The following SLC38A12 variants were observed in gnomAD, a reference collection of about 807,000 sequenced individuals.
SLC38A12 encodes the protein putative sodium-coupled neutral amino acid transporter 12.
chr17:74,813,372 C>A, the SLC38A12 span, among the ~76,000 whole-genome samples: 1 of 152,224 alleles, frequency 6.6e-6, no homozygotes, highest in African/African-American at 2.4e-5. Flanking sequence ...ACTCTTTGTC[C>A]CATGGGTTAG....
chr17:74,788,760 C>T, the SLC38A12 span: 2 of 1,607,392 alleles, frequency 1.2e-6, no homozygotes, highest in Non-Finnish European at 1.7e-6. Context: ...ACCTGTCCGC[C>T]TTTGGCGCTG....
chr17:74,829,959 G>A, the SLC38A12 span, among the ~76,000 whole-genome samples: 1 of 152,314 alleles, frequency 6.6e-6, no homozygotes, highest in African/African-American at 2.4e-5. The surrounding 1 kb of genome is among the most constrained non-coding windows in gnomAD (Gnocchi z 4.1). Flanking sequence ...CTCCGTACCT[G>A]CAGCTCAGCC....
At chr17:74,777,634 C>T in the SLC38A12 span, 1 of 1,437,168 alleles carries the variant, frequency 7.0e-7, no homozygotes, top group Non-Finnish European at 9.2e-7. Flanking sequence ...TAATGTTAAT[C>T]CCGGGCTGGG....
chr17:74,777,475 G>T, the SLC38A12 span: 1 of 1,586,068 alleles, frequency 6.3e-7, no homozygotes, highest in South Asian at 1.1e-5. Flanking sequence ...GCTGCTGCTT[G>T]AGCAGACCAT....
the SLC38A12 span, among the ~76,000 whole-genome samples, chr17:74,791,636 C>T: frequency 6.6e-6 from 1 of 152,256 alleles, no homozygotes; most frequent in Non-Finnish European, 1.5e-5. Flanking sequence ...CACGCCTGGG[C>T]GTGGCTTCCC....
chr17:74,839,500 C>G, the SLC38A12 span: 59 of 202,440 alleles, frequency 2.9e-4, no homozygotes, highest in African/African-American at 1.3e-3. Context: ...TCCCTTCCAC[C>G]TGGGGCCAAT....
At chr17:74,787,898 A>G in the SLC38A12 span, among the ~76,000 whole-genome samples, 2 of 151,596 alleles carry the variant, frequency 1.3e-5, no homozygotes, top group Non-Finnish European at 2.9e-5. Context: ...GATTCAAGCA[A>G]TTCTCCTGCC....
At chr17:74,827,954 C>T in the SLC38A12 span, among the ~76,000 whole-genome samples, 1 of 152,210 alleles carries the variant, frequency 6.6e-6, no homozygotes, top group African/African-American at 2.4e-5. The surrounding 1 kb of genome is among the most constrained non-coding windows in gnomAD (Gnocchi z 4.7). Flanking sequence ...CGGCACCTTC[C>T]AAGGGCTAAG....
At chr17:74,839,062 T>C in the SLC38A12 span, 2 of 1,535,512 alleles carry the variant, frequency 1.3e-6, no homozygotes, top group Non-Finnish European at 1.7e-6. Flanking sequence ...GAGTAAACTT[T>C]CTTTGCCTCC....
the SLC38A12 span, among the ~76,000 whole-genome samples, chr17:74,829,187 G>A: frequency 6.6e-6 from 1 of 151,998 alleles, no homozygotes. This position sits in a 1 kb window ranked among gnomAD's most constrained non-coding sequence, Gnocchi z 4.1. Flanking sequence ...GCAGTGGCGC[G>A]ATCTCAGCTC....
the SLC38A12 span, among the ~76,000 whole-genome samples, chr17:74,793,696 A>G: frequency 6.6e-6 from 1 of 152,148 alleles, no homozygotes; most frequent in East Asian, 1.9e-4. Flanking sequence ...AGCAGAAAAC[A>G]AGCTGGAGTG....
chr17:74,838,651 G>A, the SLC38A12 span: 2 of 1,390,210 alleles, frequency 1.4e-6, no homozygotes, highest in Non-Finnish European at 1.9e-6. Context: ...CCGTTGTCTA[G>A]CTGCTTTGCT....
At chr17:74,825,788 C>T in the SLC38A12 span, among the ~76,000 whole-genome samples, 1 of 152,222 alleles carries the variant, frequency 6.6e-6, no homozygotes, top group Non-Finnish European at 1.5e-5. Context: ...TGGTCATGGC[C>T]TCTGTGCAGA....
chr17:74,794,320 G>C, the SLC38A12 span, among the ~76,000 whole-genome samples: 5 of 152,308 alleles, frequency 3.3e-5, no homozygotes, highest in Admixed American at 6.5e-5. Flanking sequence ...AGTGAGAGGG[G>C]ACAAACGTCA....
At chr17:74,831,167 C>G in the SLC38A12 span, among the ~76,000 whole-genome samples, 13 of 152,346 alleles carry the variant, frequency 8.5e-5, no homozygotes, top group African/African-American at 3.1e-4. Context: ...TGGCCGCCTC[C>G]CGCGACGGGG....
the SLC38A12 span, among the ~76,000 whole-genome samples, chr17:74,794,284 C>T: frequency 6.6e-6 from 1 of 152,342 alleles, no homozygotes; most frequent in East Asian, 1.9e-4. Context: ...CCTGTGTTCC[C>T]AACTTCTCGT....
chr17:74,783,298 C>T, the SLC38A12 span, among the ~76,000 whole-genome samples: 1 of 152,318 alleles, frequency 6.6e-6, no homozygotes, highest in East Asian at 1.9e-4. Flanking sequence ...ACGCAGCCCA[C>T]GGCCACAGTG....
the SLC38A12 span, among the ~76,000 whole-genome samples, chr17:74,805,378 G>A: frequency 6.6e-6 from 1 of 152,228 alleles, no homozygotes; most frequent in Non-Finnish European, 1.5e-5. The surrounding 1 kb of genome is among the most constrained non-coding windows in gnomAD (Gnocchi z 5.0). Context: ...GTCACTTGCG[G>A]CTGACGGGTA....
chr17:74,781,116 G>A, the SLC38A12 span, among the ~76,000 whole-genome samples: 11 of 152,238 alleles, frequency 7.2e-5, no homozygotes, highest in East Asian at 2.1e-3. Flanking sequence ...ACAATGCACA[G>A]GACAGGTCCC....
Sources: allele counts gnomAD v4.1 joint callset (sites outside exome capture counted in the v4.1 genomes callset), GRCh38; gene constraint gnomAD v4.1.1; non-coding constraint Gnocchi (gnomAD v3.1); transcripts MANE v1.5; gene names NCBI Gene and HGNC (gene_info 2026-07-23, HGNC 2026-07-21).